The following ZNF398 variants were observed in gnomAD, a reference collection of about 807,000 sequenced individuals.
The protein encoded by ZNF398 is zinc finger DNA binding protein ZER6.
A neutral mutation model predicts 41.9 loss-of-function variants in ZNF398; 18 were observed. The ratio of observed to expected loss-of-function variants is 0.43; its 90% CI spans 0.30 to 0.64. ZNF398 has a LOEUF of 0.64. Among genes scored for constraint, ZNF398 ranks in the 30% least tolerant of loss-of-function variants. ZNF398 has a pLI of 0.14. For synonymous variants in ZNF398, 260 were observed against 308.8 expected (o/e 0.84, Z 1.66); for missense variants, 669 against 822.8 (o/e 0.81, Z 2.29).
chr7:149,132,989 A>G (rs1195324616), intron 2 of ZNF398, among the ~76,000 whole-genome samples: 1 of 152,056 alleles, frequency 6.6e-6, no homozygotes, highest in Non-Finnish European at 1.5e-5. Flanking sequence ...TACCCTCACT[A>G]TCTGCCTAAA....
chr7:149,155,717 T>TAA (rs1229921943), intron 2 of ZNF398, among the ~76,000 whole-genome samples: 3 of 26,476 alleles, frequency 1.1e-4, no homozygotes, highest in South Asian at 2.0e-3. Flanking sequence ...ATTTTTTTTT[T>TAA]TTTTTTTTTT....
At chr7:149,161,521 C>T (rs62505096) in intron 2 of ZNF398, among the ~76,000 whole-genome samples, 20 of 152,182 alleles carry the variant, frequency 1.3e-4, no homozygotes, top group Non-Finnish European at 2.4e-4. Flanking sequence ...GCAATGATCA[C>T]ATCACTGCAC....
chr7:149,132,194 C>CTTTTTT (rs35611997), intron 2 of ZNF398, among the ~76,000 whole-genome samples: 1 of 113,386 alleles, frequency 8.8e-6, no homozygotes. Flanking sequence ...TTCTCTCTCT[C>CTTTTTT]TTTTTTTTTT....
chr7:149,146,911 T>C (rs2129519910), upstream of ZNF398, among the ~76,000 whole-genome samples: 1 of 152,116 alleles, frequency 6.6e-6, no homozygotes, highest in Non-Finnish European at 1.5e-5. Context: ...GAGTCAATAA[T>C]CCGAGATGTG....
intron 2 of ZNF398, among the ~76,000 whole-genome samples, chr7:149,155,126 A>G (rs1008155152): frequency 1.3e-5 from 2 of 152,032 alleles, no homozygotes; most frequent in Non-Finnish European, 2.9e-5. Context: ...GTCTCTACTT[A>G]AAATACAAAA....
At chr7:149,162,890 TG>T (rs547516583) in intron 2 of ZNF398, among the ~76,000 whole-genome samples, 1 of 86,980 alleles carries the variant, frequency 1.1e-5, no homozygotes, top group Non-Finnish European at 2.6e-5. Context: ...AACCCCTGGG[TG>T]GGGGGAGGGG....
At chr7:149,144,672 T>A (rs1434999835), upstream of ZNF398, among the ~76,000 whole-genome samples, 1 of 151,662 alleles carries the variant, frequency 6.6e-6, no homozygotes, top group Non-Finnish European at 1.5e-5. Flanking sequence ...CACTGCAACC[T>A]CCTCCTCCTA....
At chr7:149,148,601 C>G (rs1003509291) in intron 1 of ZNF398, 1 of 448,174 alleles carries the variant, frequency 2.2e-6, no homozygotes, top group Non-Finnish European at 3.0e-6. Context: ...GAGGGAAGTG[C>G]CACCTCCACT....
intron 2 of ZNF398, among the ~76,000 whole-genome samples, chr7:149,131,174 G>A (rs1826587294): frequency 1.3e-5 from 2 of 152,138 alleles, no homozygotes; most frequent in African/African-American, 4.8e-5. Context: ...GTTCTATAGG[G>A]CAATTGGGTC....
intron 2 of ZNF398, among the ~76,000 whole-genome samples, chr7:149,130,960 G>A (rs1433689729): frequency 6.6e-6 from 1 of 152,196 alleles, no homozygotes; most frequent in Admixed American, 6.5e-5. Flanking sequence ...CAGGTGGTGG[G>A]TTAGGCAATC....
chr7:149,155,715 T>TA (rs1389296763), intron 2 of ZNF398, among the ~76,000 whole-genome samples: 52 of 26,782 alleles, frequency 1.9e-3, no homozygotes, highest in East Asian at 0.018. Flanking sequence ...ATATTTTTTT[T>TA]TTTTTTTTTT....
At chr7:149,154,563 G>C (rs1794929468) in intron 2 of ZNF398, among the ~76,000 whole-genome samples, 2 of 152,048 alleles carry the variant, frequency 1.3e-5, no homozygotes, top group South Asian at 2.1e-4. Context: ...GAAACCTCTT[G>C]CTGGACCAAA....
Position 149,176,334 on chromosome 7 carries a change from ACT to A in ZNF398, c.662-131_662-130del, listed in dbSNP as rs2129521771. 4.8e-6 allele frequency: 3 copies of A among 620,548 alleles called. No individual in the cohort carries two copies. The East Asian group carries it at 9.8e-5, about 20-fold the overall frequency. The allele number at this position is 620,548 out of a possible 1,614,324, so 38.4% of individuals were successfully genotyped here. On this transcript the variant is annotated intron_variant, in intron 4 of 5. Coordinates refer to ENST00000475153, the MANE Select transcript of ZNF398 (RefSeq NM_170686.3). ...ACTCCAGCCTGGGTGACAGAGCGAG[ACT>A]CTGTCTCAAAAAAAGAAAAAAAGAA...
chr7:149,152,945 C>T (rs1794884197), intron 1 of ZNF398, among the ~76,000 whole-genome samples: 1 of 151,434 alleles, frequency 6.6e-6, no homozygotes, highest in Admixed American at 6.6e-5. Flanking sequence ...CTGTAACCTC[C>T]ACTTCTCAGG....
At chr7:149,136,290 C>T (rs916271028) in intron 2 of ZNF398, among the ~76,000 whole-genome samples, 6 of 151,894 alleles carry the variant, frequency 4.0e-5, no homozygotes, top group South Asian at 2.1e-4. Flanking sequence ...CAGGCAGAGG[C>T]GCTCCTCACT....
intron 1 of ZNF398, among the ~76,000 whole-genome samples, chr7:149,148,756 G>A (rs1827027182): frequency 6.6e-6 from 1 of 151,702 alleles, no homozygotes; most frequent in Non-Finnish European, 1.5e-5. Flanking sequence ...TCCAACCCGC[G>A]GCCCCCAGGC....
Position 149,166,352 on chromosome 7 carries a change from T to C in ZNF398, c.547+68T>C. 2.5e-6 allele frequency: 4 copies of C among 1,580,406 alleles called. No individual in the cohort carries two copies. In the South Asian group the frequency reaches 4.5e-5, roughly 18 times the overall value. ...CCAAGAGGGCTCAGAACAGTCCCTT[T>C]TCCTCCAGTGACCTCATTCTCACTC... On this transcript the variant is annotated intron_variant, in intron 3 of 5. Transcript: ENST00000475153.
chr7:149,173,743 G>T (rs972633657), intron 4 of ZNF398, among the ~76,000 whole-genome samples: 2 of 143,240 alleles, frequency 1.4e-5, no homozygotes, highest in East Asian at 2.1e-4. Context: ...AGGCTTTGTT[G>T]TTCCATTTCT....
At chr7:149,166,766 C>A in intron 3 of ZNF398, 51 bp from the exon 4 acceptor site, 1 of 1,343,220 alleles carries the variant, frequency 7.4e-7, no homozygotes, top group Non-Finnish European at 1.0e-6. Context: ...AATTAGTTGT[C>A]ATCCTCATTT....
Sources: allele counts gnomAD v4.1 joint callset (sites outside exome capture counted in the v4.1 genomes callset), GRCh38; gene constraint gnomAD v4.1.1; transcripts MANE v1.5; gene names NCBI Gene and HGNC (gene_info 2026-07-23, HGNC 2026-07-21).